Variants in CYP3A7 observed in about 807,000 individuals in gnomAD.
The protein encoded by CYP3A7 is cytochrome P450 3A7.
A neutral mutation model predicts 55.2 loss-of-function variants in CYP3A7; 45 were observed. The ratio of observed to expected loss-of-function variants is 0.82; its 90% confidence interval spans 0.64 to 1.05. CYP3A7 has a LOEUF of 1.05. Ranked by LOEUF, CYP3A7 falls within the 50% of genes least tolerant of loss-of-function variation. The probability of loss-of-function intolerance (pLI) is 0.00; values close to 1 mark genes in which losing one functional copy is unlikely to be tolerated. For synonymous variants in CYP3A7, 180 were observed against 207.4 expected, an observed-to-expected ratio of 0.87 and a Z score of 1.13; for missense variants, 548 against 605.3, an observed-to-expected ratio of 0.91 and a Z score of 0.99.
intron 8 of CYP3A7, among the ~76,000 whole-genome samples, chr7:99,714,332 C>T (rs1563021414): frequency 6.6e-6 from 1 of 152,040 alleles, no homozygotes; most frequent in Non-Finnish European, 1.5e-5. Flanking sequence ...ATTCTTGTGC[C>T]TGATATCAAA....
intron 11 of CYP3A7, among the ~76,000 whole-genome samples, chr7:99,708,424 T>C (rs907659434): frequency 6.6e-5 from 10 of 152,076 alleles, no homozygotes; most frequent in African/African-American, 2.4e-4. Flanking sequence ...TCGTCTCTTG[T>C]TTTTCTAATT....
At chr7:99,717,918 C>T (rs542832481) in intron 4 of CYP3A7, among the ~76,000 whole-genome samples, 5 of 152,250 alleles carry the variant, frequency 3.3e-5, no homozygotes, top group African/African-American at 4.8e-5. Context: ...ACACCTAGCA[C>T]GCGTGCAGTG....
At chr7:99,725,781 C>T (rs921514591) in intron 2 of CYP3A7, among the ~76,000 whole-genome samples, 4 of 152,204 alleles carry the variant, frequency 2.6e-5, no homozygotes, top group African/African-American at 7.2e-5. Context: ...CGGAGAATCA[C>T]GGATGCCAAA....
chr7:99,705,399 G>T lies in CYP3A7; in HGVS notation c.*101C>A. 1 of 1,313,474 alleles carries T rather than the reference G, an allele frequency of 7.6e-7. No individual in the cohort carries two copies. Among genetic ancestry groups the T allele is most frequent in the Non-Finnish European group, 1.1e-6 (1 of 917,334 alleles). The allele number at this position is 1,313,474 out of a possible 1,614,324, so 81.4% of individuals were successfully genotyped here. A position where few individuals can be genotyped will look rare whatever the true frequency, so the allele number is the denominator to read the frequency against. On this transcript the variant is annotated 3_prime_UTR_variant, in exon 13 of 13. Coordinates refer to ENST00000336374, the MANE Select transcript of CYP3A7 (RefSeq NM_000765.5). ...TTATTTATGCAGCACATTGGATGAA[G>T]CCCGTCTTCATTTCAGGGTTCTATT...
At chr7:99,733,053 C>G (rs537347552) in intron 1 of CYP3A7, among the ~76,000 whole-genome samples, 12 of 152,176 alleles carry the variant, frequency 7.9e-5, no homozygotes, top group African/African-American at 2.9e-4. Flanking sequence ...GAGAACCCAG[C>G]AGAGACAGCA....
Position 99,722,338 on chromosome 7 carries a change from G to A in CYP3A7, c.176C>T (p.Thr59Met), listed in dbSNP as rs145882034. ...CTTTTTATAACATTCCATGTCAAACGTCCAATAGCCCTGGGAGGAGAAACA... is the reference window on the plus strand; with the variant it reads ...CTTTTTATAACATTCCATGTCAAACATCCAATAGCCCTGGGAGGAGAAACA... Reference protein sequence around the residue: ...NALSFRKGYWTFDMECYKKYR... With the variant: ...NALSFRKGYWMFDMECYKKYR... Residue 59 changes from threonine to methionine, a missense_variant, in exon 3 of 13, where the codon ACG becomes ATG. By Grantham distance (81) the Thr-to-Met change is moderately conservative. Transcript: ENST00000336374. 12 of 1,613,268 alleles carry A rather than the reference G, an allele frequency of 7.4e-6. No homozygotes were observed. Among genetic ancestry groups the A allele is most frequent in the Middle Eastern group, 1.6e-4 (1 of 6,080 alleles).
chr7:99,711,347 T>C (rs1584507800), intron 9 of CYP3A7, among the ~76,000 whole-genome samples: 1 of 152,194 alleles, frequency 6.6e-6, no homozygotes, highest in African/African-American at 2.4e-5. Flanking sequence ...AATGGCTAGA[T>C]GTATGGAAAA....
rs1428225528 is a variant in CYP3A7 at position 99,720,387 on chromosome 7, G to A, written c.244C>T (p.Leu82=). 1.2e-6 allele frequency: 2 copies of A among 1,613,586 alleles called. No individual in the cohort carries two copies. The highest frequency in any genetic ancestry group is 2.7e-5 in the African/African-American group (2 of 74,900). The change falls in exon 4 of 13, where the codon CTG becomes TTG. Residue 82 remains leucine (L), a synonymous_variant. Coordinates refer to ENST00000336374, the MANE Select transcript of CYP3A7 (RefSeq NM_000765.5). ...ATCATGTCGGGATCTGTGATAGCCAGCATAGGCTGTTGACAGTCATAAATA... is the reference window on the plus strand; with the variant it reads ...ATCATGTCGGGATCTGTGATAGCCAACATAGGCTGTTGACAGTCATAAATA... The part of the protein sequence containing the change: ...WGIYDCQQPM[L]AITDPDMIKT...
intron 3 of CYP3A7, 84 bp downstream of exon 3, chr7:99,722,212 T>C: frequency 2.6e-6 from 4 of 1,567,216 alleles, no homozygotes; most frequent in Non-Finnish European, 3.5e-6. Flanking sequence ...CGCAAGAGGC[T>C]CTGGGCTGAG....
Position 99,729,979 on chromosome 7 carries a change from C to T in CYP3A7, c.165+1080G>A, listed in dbSNP as rs138607015. Among the ~76,000 whole-genome samples the T allele has an allele frequency of 1.1e-3, 165 of 152,288 alleles. 2 individuals are homozygous for T. In the East Asian group the frequency reaches 0.02, roughly 19 times the overall value. Reference sequence around the variant, plus strand: ...TGCAGAGGGAAAAAATATGAAATTCCTGGGCAGTAATTAGACAACAAAGCC... The same window carrying T: ...TGCAGAGGGAAAAAATATGAAATTCTTGGGCAGTAATTAGACAACAAAGCC... On this transcript the variant is annotated intron_variant, in intron 2 of 12. Transcript: ENST00000336374.
In CYP3A7 at chr7:99,705,454, T is replaced by TG. The variant is rs1563016795; in HGVS notation, c.*45dup. 1 of 1,600,172 alleles carries TG rather than the reference T, an allele frequency of 6.2e-7. No individual in the cohort carries two copies. The highest frequency in any genetic ancestry group is 8.6e-7 in the Non-Finnish European group (1 of 1,168,234). On this transcript the variant is annotated 3_prime_UTR_variant, in exon 13 of 13. Transcript: ENST00000336374. ...AAGTAATTTGAGGTCTCTGGTGTTCTGGGGCACAGCTTTCTTAAAGAGCAA... is the reference window on the plus strand; with the variant it reads ...AAGTAATTTGAGGTCTCTGGTGTTCTGGGGGCACAGCTTTCTTAAAGAGCAA...
chr7:99,726,869 A>G (rs188221962), intron 2 of CYP3A7, among the ~76,000 whole-genome samples: 120 of 152,214 alleles, frequency 7.9e-4, no homozygotes, highest in Non-Finnish European at 1.2e-3. Context: ...ACCTCAGCAT[A>G]ATTCTTCATG....
intron 3 of CYP3A7, among the ~76,000 whole-genome samples, chr7:99,721,602 G>A (rs1392057214): frequency 6.6e-6 from 1 of 152,192 alleles, no homozygotes. Flanking sequence ...TTGGAGAAAA[G>A]TGGTAACCAC....
In CYP3A7 at chr7:99,709,032, TA is replaced by T. The variant is rs1461860933; in HGVS notation, c.1253+2del. On this transcript the variant is annotated splice_donor_variant, in intron 11 of 12. Transcript: ENST00000336374. LOFTEE classifies it high-confidence loss of function. ...GAGGGCTCCCTTCCCAGGGGCCTCC[TA>T]CCTTTCAGGGAGGAACTTCTCAGGC... The T allele has an allele frequency of 6.2e-7, 1 of 1,613,958 alleles. No individual in the cohort carries two copies. The highest frequency in any genetic ancestry group is 2.2e-5 in the East Asian group (1 of 44,860).
chr7:99,735,058 C>T lies in CYP3A7; in HGVS notation c.36G>A (p.Trp12Ter), dbSNP rs773721980. ...GTATCAGGCTGACAGCCAGGAGAAGCCAGGTTTCCACGGCCAAGTTTGGGA... is the reference window on the plus strand; with the variant it reads ...GTATCAGGCTGACAGCCAGGAGAAGTCAGGTTTCCACGGCCAAGTTTGGGA... ...DLIPNLAVET[W>*]LLLAVSLILL... The change falls in exon 1 of 13, where the codon TGG becomes TGA. Residue 12 changes from tryptophan to a stop codon, truncating the protein, a stop_gained. Coordinates refer to ENST00000336374, the MANE Select transcript of CYP3A7 (RefSeq NM_000765.5). LOFTEE classifies it high-confidence loss of function. The T allele has an allele frequency of 1.9e-6, 3 of 1,614,094 alleles. No homozygotes were observed. The highest frequency in any genetic ancestry group is 2.5e-6 in the Non-Finnish European group (3 of 1,179,992).
intron 4 of CYP3A7, among the ~76,000 whole-genome samples, chr7:99,718,438 A>G (rs1240240159): frequency 6.6e-6 from 1 of 151,548 alleles, no homozygotes; most frequent in African/African-American, 2.4e-5. Flanking sequence ...CATGCTTGAA[A>G]CTCTCTTTCA....
At position 99,715,770 on chromosome 7, in the gene CYP3A7, C is replaced by T. The variant is rs149501739; in HGVS notation, c.658G>A (p.Val220Ile). 20 of 1,613,634 alleles carry T rather than the reference C, an allele frequency of 1.2e-5. No individual in the cohort carries two copies. The highest frequency in any genetic ancestry group is 4.4e-5 in the South Asian group (4 of 91,066). Reference sequence around the variant, plus strand: ...GTAGTCCACATACTTATTGAGAGAACGAATGGATCTAATGGATTAAATCTT... The same window carrying T: ...GTAGTCCACATACTTATTGAGAGAATGAATGGATCTAATGGATTAAATCTT... ...LLRFNPLDPF[V>I]LSIKVFPFLT... The change falls in exon 7 of 13, where the codon GTT becomes ATT. Residue 220 changes from valine to isoleucine, a missense_variant. Transcript: ENST00000336374.
chr7:99,712,906 T>C (rs1813809569), intron 9 of CYP3A7, among the ~76,000 whole-genome samples: 2 of 152,200 alleles, frequency 1.3e-5, no homozygotes, highest in Admixed American at 6.5e-5. Context: ...AAAGGATATT[T>C]ACACAGTCTC....
intron 1 of CYP3A7, among the ~76,000 whole-genome samples, chr7:99,732,704 A>G (rs1814674052): frequency 1.3e-5 from 2 of 152,184 alleles, no homozygotes; most frequent in Non-Finnish European, 2.9e-5. Flanking sequence ...TCAACCATGA[A>G]TCTGCTAGTC....
Sources: gnomAD v4.1 joint callset for allele counts (sites outside exome capture counted in the v4.1 genomes callset) on GRCh38, gnomAD v4.1.1 for gene constraint, MANE v1.5 for transcripts, NCBI Gene and HGNC (gene_info 2026-07-23, HGNC 2026-07-21) for gene names.